TKT: variants seen among roughly 807,000 people sequenced by gnomAD.
The protein encoded by TKT is transketolase.
In TKT, 47 loss-of-function variants were observed where a neutral mutation model predicts 63.9. The ratio of observed to expected loss-of-function variants is 0.74; its 90% CI spans 0.58 to 0.94. The LOEUF is 0.94. TKT is among the 40% of genes least tolerant of loss of function. The pLI is 0.00. For missense variants in TKT, 721 were observed against 846.2 expected, an observed-to-expected ratio of 0.85 and a Z score of 1.84; for synonymous variants, 338 against 334.1, an observed-to-expected ratio of 1.01 and a Z score of -0.13.
chr3:53,226,928 A>G (rs782740043), intron 12 of TKT, 50 bp from the exon 13 acceptor site: 10 of 1,556,624 alleles, frequency 6.4e-6, no homozygotes, highest in Admixed American at 5.5e-5. Context: ...GGGCACCACT[A>G]TCTGCCCTGG....
chr3:53,238,593 A>G (rs1705135311), intron 4 of TKT, among the ~76,000 whole-genome samples: 1 of 152,218 alleles, frequency 6.6e-6, no homozygotes, highest in Non-Finnish European at 1.5e-5. Context: ...AGGACAGGGC[A>G]GTGGAGATGC....
At chr3:53,255,025 C>A (rs1705921585) in intron 1 of TKT, among the ~76,000 whole-genome samples, 1 of 152,160 alleles carries the variant, frequency 6.6e-6, no homozygotes, top group Non-Finnish European at 1.5e-5. Context: ...GTCCTTCCGG[C>A]GCTCAGCCTT....
intron 1 of TKT, chr3:53,243,443 C>T: frequency 2.6e-6 from 1 of 380,254 alleles, no homozygotes; most frequent in Non-Finnish European, 5.2e-6. Flanking sequence ...CCGCCAGCCT[C>T]CCGCCCCTCC....
At chr3:53,237,495 TAC>T (rs3075727) in intron 4 of TKT, among the ~76,000 whole-genome samples, 22,262 of 144,674 alleles carry the variant, frequency 0.15, 1,774 homozygotes, top group Middle Eastern at 0.21. Context: ...TTTTATATTA[TAC>T]ACACACACAC....
chr3:53,228,488 G>GA, intron 10 of TKT, 129 bp from the exon 11 acceptor site: 1 of 1,067,356 alleles, frequency 9.4e-7, no homozygotes, highest in African/African-American at 1.6e-5. Flanking sequence ...CTCCAGCAGG[G>GA]AAAAGGGCCT....
At chr3:53,254,032 A>G (rs1256149253) in intron 1 of TKT, among the ~76,000 whole-genome samples, 6 of 152,182 alleles carry the variant, frequency 3.9e-5, no homozygotes, top group African/African-American at 1.4e-4. Context: ...AACACAATCT[A>G]TCTCACAGGG....
intron 1 of TKT, among the ~76,000 whole-genome samples, chr3:53,249,515 GAGGTTA>G (rs1229550529): frequency 6.6e-6 from 1 of 152,064 alleles, no homozygotes; most frequent in East Asian, 1.9e-4. Flanking sequence ...CTAGGATGTG[GAGGTTA>G]CAGTGAGCCA....
At chr3:53,255,061 T>C (rs1448117321) in intron 1 of TKT, among the ~76,000 whole-genome samples, 1 of 152,102 alleles carries the variant, frequency 6.6e-6, no homozygotes, top group Non-Finnish European at 1.5e-5. Context: ...CTCCGCCTCC[T>C]CCCGCCCCAG....
At chr3:53,234,216 C>G (rs912124207) in intron 5 of TKT, 6 of 152,298 alleles carry the variant, frequency 3.9e-5, no homozygotes, top group African/African-American at 1.4e-4. Flanking sequence ...CACAGGCCTG[C>G]GTATGCTGTG....
chr3:53,249,644 G>A (rs560970844), intron 1 of TKT, among the ~76,000 whole-genome samples: 9 of 152,216 alleles, frequency 5.9e-5, no homozygotes, highest in East Asian at 1.9e-4. Context: ...GTTCTTGGGC[G>A]TCCACACTTC....
At chr3:53,231,822 G>GGT (rs536563303) in intron 6 of TKT, 60 of 477,512 alleles carry the variant, frequency 1.3e-4, no homozygotes, top group Non-Finnish European at 2.2e-4. Context: ...GACGTGGGCA[G>GGT]GTGTGTGTTT....
At chr3:53,255,810 G>T in intron 1 of TKT, 26 bp downstream of exon 1, 1 of 1,438,960 alleles carries the variant, frequency 6.9e-7, no homozygotes, top group Non-Finnish European at 9.2e-7. Flanking sequence ...CCCGAGCCGC[G>T]TCCCCGGCCG....
intron 1 of TKT, among the ~76,000 whole-genome samples, chr3:53,242,756 C>T: frequency 1.3e-5 from 2 of 152,150 alleles, no homozygotes; most frequent in Non-Finnish European, 2.9e-5. Context: ...GGGCACCCTG[C>T]CCTCTCAGCA....
rs375652942 is a variant in TKT at position 53,242,315 on chromosome 3, A to G, written c.108-73T>C. The stretch of plus-strand genomic sequence containing the variant: ...CCTGAGCTATTGTGCTCAGCTGTAC[A>G]GGGACCTGGGGGTGCATGTCCTGAG... On this transcript the variant is annotated intron_variant, in intron 1 of 13. Transcript: ENST00000462138. 1,369 of 1,454,652 alleles carry G rather than the reference A, an allele frequency of 9.4e-4. 1 individual carries two copies. Among genetic ancestry groups the G allele is most frequent in the Middle Eastern group, 1.2e-3 (7 of 5,742 alleles). 90.1% of individuals were successfully genotyped at this position (1,454,652 alleles called of 1,614,324 possible). A position where few individuals can be genotyped will look rare whatever the true frequency, so the allele number is the denominator to read the frequency against.
chr3:53,233,248 T>G lies in TKT; in HGVS notation c.656A>C (p.His219Pro). 1 of 1,612,732 alleles carries G rather than the reference T, an allele frequency of 6.2e-7. No homozygotes were observed. Among genetic ancestry groups the G allele is most frequent in the South Asian group, 1.1e-5 (1 of 90,884 alleles). Residue 219 changes from histidine to proline, a missense_variant, in exon 6 of 14, where the codon CAC (histidine) becomes CCC (proline). Coordinates refer to ENST00000462138, the MANE Select transcript of TKT (RefSeq NM_001064.4). Reference sequence around the variant, plus strand: ...GGCCTTGCACAGCTCCTCCACGCTGTGTCCATCCACGATGATGGCATGCCA... The same window carrying G: ...GGCCTTGCACAGCTCCTCCACGCTGGGTCCATCCACGATGATGGCATGCCA... ...FGWHAIIVDG[H>P]SVEELCKAFG... is the part of the protein sequence containing the mutation.
intron 1 of TKT, among the ~76,000 whole-genome samples, chr3:53,248,193 G>C (rs1405279908): frequency 6.6e-6 from 1 of 152,216 alleles, no homozygotes; most frequent in Non-Finnish European, 1.5e-5. Context: ...TTCATTCGGA[G>C]GATGGGGCCA....
Position 53,241,156 on chromosome 3 carries a change from G to A in TKT, c.315C>T (p.Ser105=), listed in dbSNP as rs782071162. 1.8e-5 allele frequency: 29 copies of A among 1,577,328 alleles called. No individual in the cohort carries two copies. Among genetic ancestry groups the A allele is most frequent in the Non-Finnish European group, 2.2e-5 (26 of 1,167,046 alleles). ...CCGGGACCGGGTGCCCGTCCAAGTCGGAGCTGATCTTCCTCAGGTTCAGCA... is the reference window on the plus strand; with the variant it reads ...CCGGGACCGGGTGCCCGTCCAAGTCAGAGCTGATCTTCCTCAGGTTCAGCA... ...AELLNLRKIS[S]DLDGHPVPKQ... is the part of the protein sequence containing the mutation. Residue 105 remains serine (S), a synonymous_variant, in exon 3 of 14, where the codon TCC becomes TCT. Coordinates refer to ENST00000462138, the MANE Select transcript of TKT (RefSeq NM_001064.4).
chr3:53,227,174 A>C (rs1704536207), intron 12 of TKT: 1 of 302,102 alleles, frequency 3.3e-6, no homozygotes, highest in Non-Finnish European at 6.2e-6. Flanking sequence ...CTTGAAGACA[A>C]AGGGAATGCG....
rs540843968 is a variant in TKT, at chr3:53,245,638, A to C, written c.108-3396T>G. Among the ~76,000 whole-genome samples the C allele has an allele frequency of 5.3e-5, 8 of 152,108 alleles. No homozygotes were observed. The South Asian group carries it at 1.5e-3, about 28-fold the overall frequency. ...CGTCTCTACTAAAAATACAAAAATT[A>C]GCCGGGCGTGGTGGCACATGCCTAT... On this transcript the variant is annotated intron_variant, in intron 1 of 13. Transcript: ENST00000462138.
Sources: gnomAD v4.1 joint callset for allele counts (sites outside exome capture counted in the v4.1 genomes callset) on GRCh38, gnomAD v4.1.1 for gene constraint, MANE v1.5 for transcripts, NCBI Gene and HGNC (gene_info 2026-07-23, HGNC 2026-07-21) for gene names.